Variants in CD81 observed in about 807,000 individuals in gnomAD.
CD81 encodes the protein CD81 molecule, also known as CD81 antigen.
Under a neutral mutation model 30.1 loss-of-function variants are expected in CD81, and 10 were observed. That is an observed-to-expected ratio of 0.33 (90% confidence interval 0.21 to 0.56). CD81 has a LOEUF of 0.56. CD81 is among the 20% of genes least tolerant of loss of function. The pLI is 0.89. For missense variants in CD81, 263 were observed against 308.7 expected (o/e 0.85, Z 1.11); for synonymous variants, 147 against 126.4 (o/e 1.16, Z -1.10).
intron 1 of CD81, among the ~76,000 whole-genome samples, chr11:2,384,133 G>A (rs201244792): frequency 6.6e-6 from 1 of 152,126 alleles, no homozygotes; most frequent in East Asian, 1.9e-4. Flanking sequence ...TTAATTCCCA[G>A]GAAGGAGAAA....
At chr11:2,376,851 G>C (rs1335304961), upstream of CD81, 1 of 152,386 alleles carries the variant, frequency 6.6e-6, no homozygotes, top group Non-Finnish European at 1.5e-5. Context: ...TGTGAGCAAA[G>C]CTTGCTGTCT....
intron 1 of CD81, among the ~76,000 whole-genome samples, chr11:2,389,175 A>T (rs1849851049): frequency 6.6e-6 from 1 of 152,164 alleles, no homozygotes; most frequent in South Asian, 2.1e-4. Context: ...AAGAAACCCC[A>T]GGAGAGGTCT....
At chr11:2,395,183 T>C in intron 4 of CD81, 137 bp downstream of exon 4, 2 of 791,668 alleles carry the variant, frequency 2.5e-6, no homozygotes, top group Non-Finnish European at 4.3e-6. Context: ...GCCAGGAGGA[T>C]CTCCAGGGGC....
At chr11:2,391,002 A>G in intron 2 of CD81, 1 of 269,508 alleles carries the variant, frequency 3.7e-6, no homozygotes, top group South Asian at 4.1e-5. Context: ...CTGCCCCTGC[A>G]GGCAGCTGCA....
At position 2,395,859 on chromosome 11, in the gene CD81, C is replaced by T. The variant is rs761098724; in HGVS notation, c.460-10C>T. On this transcript the variant is annotated splice_polypyrimidine_tract_variant and intron_variant, in intron 5 of 7. Transcript: ENST00000263645. ...ATCCAGGGCTGACCTTGCACCCCTG[C>T]TCTCTGCAGCTTGACTGCTGTGGCT... The T allele has an allele frequency of 4.4e-6, 7 of 1,598,064 alleles. No homozygotes were observed. The highest frequency in any genetic ancestry group is 6.0e-6 in the Non-Finnish European group (7 of 1,167,370).
chr11:2,395,145 C>A, intron 4 of CD81, 99 bp downstream of exon 4: 2 of 977,898 alleles, frequency 2.0e-6, no homozygotes, highest in Non-Finnish European at 3.2e-6. Context: ...CTTGTGGGAG[C>A]TCTTTGGGCT....
intron 1 of CD81, among the ~76,000 whole-genome samples, chr11:2,388,869 C>T (rs708564): frequency 0.62 from 94,241 of 152,128 alleles, 32,473 homozygotes; most frequent in Non-Finnish European, 0.8. Context: ...CCATGGGAGT[C>T]GGATGGTGGC....
chr11:2,394,225 G>T, intron 3 of CD81, 33 bp downstream of exon 3: 1 of 1,470,176 alleles, frequency 6.8e-7, no homozygotes, highest in Non-Finnish European at 9.5e-7. Flanking sequence ...TGCCTGGGCC[G>T]GGGAGGGGCT....
At chr11:2,394,911 G>T in intron 3 of CD81, 61 bp from the exon 4 acceptor site, 6 of 1,488,022 alleles carry the variant, frequency 4.0e-6, no homozygotes, top group Non-Finnish European at 5.6e-6. Context: ...CTGGGTGTGT[G>T]TCCTTGGGCC....
rs1040772502 is a variant in CD81 at position 2,386,502 on chromosome 11, G to A, written c.67-3910G>A. 8.8e-5 allele frequency: 63 copies of A among 712,196 alleles called. 1 individual carries two copies. Among genetic ancestry groups the A allele is most frequent in the Admixed American group, 2.0e-4 (10 of 49,944 alleles). 44.1% of individuals were successfully genotyped at this position (712,196 alleles called of 1,614,324 possible). A position where few individuals can be genotyped will look rare whatever the true frequency, so the allele number is the denominator to read the frequency against. On this transcript the variant is annotated intron_variant, in intron 1 of 7. Coordinates refer to ENST00000263645, the MANE Select transcript of CD81 (RefSeq NM_004356.4). Reference sequence around the variant, plus strand: ...GCCCTAGGGGGGTCCCTCCGCCTCCGTTTCCTCATCCAGAAACCGGCAGTG... The same window carrying A: ...GCCCTAGGGGGGTCCCTCCGCCTCCATTTCCTCATCCAGAAACCGGCAGTG...
Position 2,396,998 on chromosome 11 carries a change from TG to T in CD81, c.*136del. On this transcript the variant is annotated 3_prime_UTR_variant, in exon 8 of 8. Transcript: ENST00000263645. ...CTGCTACACGTAGCCTTTTTACTTT[TG>T]GGGTTTTGTTTTTGTTCTGAACTTT... The T allele has an allele frequency of 1.1e-6, 1 of 900,932 alleles. No homozygotes were observed. The highest frequency in any genetic ancestry group is 2.6e-5 in the East Asian group (1 of 37,884). The allele number at this position is 900,932 out of a possible 1,614,324, so 55.8% of individuals were successfully genotyped here. A position where few individuals can be genotyped will look rare whatever the true frequency, so the allele number is the denominator to read the frequency against.
Position 2,397,155 on chromosome 11 carries a change from G to C in CD81, c.*289G>C. On this transcript the variant is annotated 3_prime_UTR_variant, in exon 8 of 8. Transcript: ENST00000263645. ...CCAGGGTGCTCTGCCTGCTCAGCCA[G>C]GCCTCTCCTGGGAGCCACTCGCCCA... 2.0e-6 allele frequency: 1 copy of C among 490,212 alleles called. No homozygotes were observed. Among genetic ancestry groups the C allele is most frequent in the South Asian group, 2.1e-5 (1 of 47,876 alleles). 30.4% of individuals were successfully genotyped at this position (490,212 alleles called of 1,614,324 possible).
intron 1 of CD81, among the ~76,000 whole-genome samples, chr11:2,382,226 C>A (rs935790035): frequency 2.0e-5 from 3 of 152,264 alleles, no homozygotes; most frequent in African/African-American, 7.2e-5. Flanking sequence ...CACCCCCACC[C>A]CCCGCACAAG....
chr11:2,396,095 G>C (rs1433386047), intron 6 of CD81, 125 bp downstream of exon 6: 9 of 593,304 alleles, frequency 1.5e-5, no homozygotes, highest in Non-Finnish European at 2.5e-5. Flanking sequence ...CATGGCCCCT[G>C]TCAGGGCTGC....
In CD81 at chr11:2,396,620, C is replaced by A. The variant is rs1850011902; in HGVS notation, c.562-8C>A. ...TCCCTGACCACGCGTGCCTGGCCAC[C>A]CCTGCAGGAGGACTGCCACCAGAAG... On this transcript the variant is annotated splice_region_variant and splice_polypyrimidine_tract_variant and intron_variant, in intron 6 of 7. Transcript: ENST00000263645. 3 of 1,610,008 alleles carry A rather than the reference C, an allele frequency of 1.9e-6. No individual in the cohort carries two copies. The highest frequency in any genetic ancestry group is 2.7e-5 in the African/African-American group (2 of 74,920).
chr11:2,377,683 G>A lies in CD81; in HGVS notation c.66+68G>A, dbSNP rs1032272665. ...ACACTCCACGTTGGGCAGGTCCCGC[G>A]GCAGCGTGCTAGGCCCCGCGGGCGC... On this transcript the variant is annotated intron_variant, in intron 1 of 7. Transcript: ENST00000263645. The surrounding 1 kb of genome is among the most constrained non-coding windows in gnomAD (Gnocchi z 7.7). The A allele has an allele frequency of 1.2e-5, 14 of 1,129,154 alleles. No homozygotes were observed. Among genetic ancestry groups the A allele is most frequent in the Admixed American group, 9.7e-5 (4 of 41,280 alleles). The allele number at this position is 1,129,154 out of a possible 1,614,324, so 69.9% of individuals were successfully genotyped here. A position where few individuals can be genotyped will look rare whatever the true frequency, so the allele number is the denominator to read the frequency against.
chr11:2,385,237 A>G (rs1213040609), intron 1 of CD81, among the ~76,000 whole-genome samples: 1 of 152,148 alleles, frequency 6.6e-6, no homozygotes, highest in African/African-American at 2.4e-5. Context: ...CAGTAAATAC[A>G]GATGTTTAAG....
At chr11:2,394,770 G>C (rs1019694656) in intron 3 of CD81, 2 of 646,668 alleles carry the variant, frequency 3.1e-6, no homozygotes, top group Non-Finnish European at 5.6e-6. Flanking sequence ...GGACATCCTG[G>C]GCTTTGACGG....
chr11:2,395,833 C>T, intron 5 of CD81, 36 bp from the exon 6 acceptor site: 15 of 1,433,770 alleles, frequency 1.0e-5, no homozygotes, highest in Non-Finnish European at 1.5e-5. Context: ...CCCCTGGGCA[C>T]ATCCAGGGCT....
Sources: gnomAD v4.1 joint callset for allele counts (sites outside exome capture counted in the v4.1 genomes callset) on GRCh38, gnomAD v4.1.1 for gene constraint, Gnocchi (gnomAD v3.1) non-coding constraint, MANE v1.5 for transcripts, NCBI Gene and HGNC (gene_info 2026-07-23, HGNC 2026-07-21) for gene names.